MYLK4: variants seen among roughly 807,000 people sequenced by gnomAD.
MYLK4 encodes caMLCK like.
In MYLK4, 46 loss-of-function variants were observed where a neutral mutation model predicts 48.1. The ratio of observed to expected loss-of-function variants is 0.96; its 90% confidence interval spans 0.75 to 1.22. MYLK4 has a LOEUF of 1.22. Among genes scored for constraint, MYLK4 ranks in the 50% most tolerant of loss-of-function variants. The pLI, the probability that MYLK4 is intolerant of heterozygous loss-of-function variation, is 0.00. For missense variants in MYLK4, 451 were observed against 486.1 expected (o/e 0.93, Z 0.68); for synonymous variants, 170 against 180.8 (o/e 0.94, Z 0.48).
Position 2,685,707 on chromosome 6 carries a change from T to A in MYLK4, c.342-131A>T, listed in dbSNP as rs1243392116. ...CCTCTGAGGAGTTCTTTCAGTAAAC[T>A]TCTAGAGCAGTATTTGTCAACATGT... On this transcript the variant is annotated intron_variant, in intron 4 of 12. Coordinates refer to ENST00000274643, the MANE Select transcript of MYLK4 (RefSeq NM_001012418.5). This position sits in a 1 kb window ranked among gnomAD's most constrained non-coding sequence, Gnocchi z 4.5. The A allele has an allele frequency of 2.8e-6, 2 of 705,440 alleles. No homozygotes were observed. Among genetic ancestry groups the A allele is most frequent in the Non-Finnish European group, 4.8e-6 (2 of 415,982 alleles). 43.7% of individuals were successfully genotyped at this position (705,440 alleles called of 1,614,324 possible). A position where few individuals can be genotyped will look rare whatever the true frequency, so the allele number is the denominator to read the frequency against.
At chr6:2,680,452 T>C (rs1205461023) in intron 7 of MYLK4, 161 bp from the exon 8 acceptor site, 2 of 985,304 alleles carry the variant, frequency 2.0e-6, no homozygotes, top group African/African-American at 1.7e-5. Flanking sequence ...TTTAATTATG[T>C]GGTGGATGAG....
At chr6:2,741,997 T>C (rs1561881252) in intron 2 of MYLK4, among the ~76,000 whole-genome samples, 1 of 152,186 alleles carries the variant, frequency 6.6e-6, no homozygotes, top group Admixed American at 6.5e-5. Flanking sequence ...GATTAACACT[T>C]GGGCAACAGT....
At chr6:2,678,160 G>A (rs1447901060) in intron 10 of MYLK4, 60 bp downstream of exon 10, 1 of 1,576,100 alleles carries the variant, frequency 6.3e-7, no homozygotes, top group African/African-American at 1.4e-5. Context: ...AGCCCTGGTG[G>A]TAGGCCCTGC....
intron 2 of MYLK4, among the ~76,000 whole-genome samples, chr6:2,700,581 C>A (rs6912339): frequency 1.3e-5 from 2 of 151,848 alleles, no homozygotes. Context: ...TCTAGCAAAC[C>A]ACTGCCTCCT....
At chr6:2,747,685 A>G (rs563444439) in intron 2 of MYLK4, among the ~76,000 whole-genome samples, 20 of 152,206 alleles carry the variant, frequency 1.3e-4, no homozygotes, top group Non-Finnish European at 1.9e-4. Context: ...GCCCATTTAT[A>G]AAAATTGTAT....
chr6:2,752,259 T>C (rs1764310104), upstream of MYLK4, among the ~76,000 whole-genome samples: 1 of 152,244 alleles, frequency 6.6e-6, no homozygotes, highest in Non-Finnish European at 1.5e-5. Context: ...GCAAAGGTAG[T>C]TCAGAGTTCC....
At chr6:2,708,797 G>T (rs1025158046) in intron 2 of MYLK4, among the ~76,000 whole-genome samples, 1 of 152,082 alleles carries the variant, frequency 6.6e-6, no homozygotes, top group Non-Finnish European at 1.5e-5. Context: ...TGCCTTTTGC[G>T]TCTCCGTATA....
chr6:2,674,806 C>T (rs1436976107), intron 11 of MYLK4, among the ~76,000 whole-genome samples: 3 of 152,078 alleles, frequency 2.0e-5, no homozygotes, highest in South Asian at 2.1e-4. Flanking sequence ...GGGAGGTGGA[C>T]GTTGCAGTGA....
chr6:2,746,519 T>C (rs913473581), intron 2 of MYLK4, among the ~76,000 whole-genome samples: 3 of 152,214 alleles, frequency 2.0e-5, no homozygotes, highest in East Asian at 1.9e-4. Context: ...GTTAAATCTA[T>C]ATAAAATTCT....
chr6:2,763,249 G>C, the MYLK4 span, among the ~76,000 whole-genome samples: 8 of 152,388 alleles, frequency 5.2e-5, no homozygotes, highest in African/African-American at 1.9e-4. Flanking sequence ...GTCCCCACCA[G>C]ACTCAGAAAC....
At chr6:2,739,530 T>C (rs9503292) in intron 2 of MYLK4, among the ~76,000 whole-genome samples, 40,963 of 152,066 alleles carry the variant, frequency 0.27, 5,950 homozygotes, top group African/African-American at 0.38. Context: ...GGAAACGCCA[T>C]GACAACCTGT....
intron 2 of MYLK4, among the ~76,000 whole-genome samples, chr6:2,747,414 T>C (rs548614951): frequency 1.3e-5 from 2 of 152,234 alleles, no homozygotes; most frequent in East Asian, 1.9e-4. Flanking sequence ...GGTGTGATCA[T>C]AGCTCACTGC....
intron 2 of MYLK4, among the ~76,000 whole-genome samples, chr6:2,719,969 C>T (rs1763010191): frequency 6.6e-6 from 1 of 151,942 alleles, no homozygotes; most frequent in South Asian, 2.1e-4. Context: ...AAAACCCCGT[C>T]TCTACTAAAA....
rs527797050 is a variant in MYLK4 at position 2,748,411 on chromosome 6, C to T, written c.159+725G>A. ...CGGGCAAAATGCTTGATGCTCCCAC[C>T]GGGCAAGGAGCCAACGGATGATGGG... On this transcript the variant is annotated intron_variant, in intron 2 of 12. Coordinates refer to ENST00000274643, the MANE Select transcript of MYLK4 (RefSeq NM_001012418.5). Among the ~76,000 whole-genome samples, 9 of 152,276 alleles carry T rather than the reference C, an allele frequency of 5.9e-5. No homozygotes were observed. The East Asian group carries it at 1.2e-3, about 20-fold the overall frequency.
chr6:2,736,969 C>T (rs569815739), intron 2 of MYLK4, among the ~76,000 whole-genome samples: 1 of 152,342 alleles, frequency 6.6e-6, no homozygotes, highest in East Asian at 1.9e-4. Context: ...TACTGAGTTG[C>T]GTTCCTCCAA....
the MYLK4 span, chr6:2,766,436 T>C: frequency 6.4e-7 from 1 of 1,558,224 alleles, no homozygotes; most frequent in Non-Finnish European, 8.7e-7. Flanking sequence ...GCCGCCGGGC[T>C]GCGGCAAGGT....
chr6:2,757,549 T>C, the MYLK4 span, among the ~76,000 whole-genome samples: 5 of 151,664 alleles, frequency 3.3e-5, no homozygotes, highest in Admixed American at 6.6e-5. Flanking sequence ...TTATTTGTTA[T>C]ATATAAAACA....
intron 6 of MYLK4, among the ~76,000 whole-genome samples, chr6:2,684,224 A>C (rs777497142): frequency 1.3e-5 from 2 of 152,174 alleles, no homozygotes; most frequent in African/African-American, 4.8e-5. Flanking sequence ...CCGGTCGGCT[A>C]CTAAGTGACT....
chr6:2,744,643 C>T (rs2113370003), intron 2 of MYLK4, among the ~76,000 whole-genome samples: 1 of 152,300 alleles, frequency 6.6e-6, no homozygotes, highest in Non-Finnish European at 1.5e-5. Flanking sequence ...CACTGTCCCT[C>T]TGCACATCCT....
Sources: gnomAD v4.1 joint callset for allele counts (sites outside exome capture counted in the v4.1 genomes callset) on GRCh38, gnomAD v4.1.1 for gene constraint, Gnocchi (gnomAD v3.1) non-coding constraint, MANE v1.5 for transcripts, NCBI Gene and HGNC (gene_info 2026-07-23, HGNC 2026-07-21) for gene names.